The following FAT1 variants were observed in gnomAD, a reference collection of about 807,000 sequenced individuals.
The protein encoded by FAT1 is FAT atypical cadherin 1.
Under a neutral mutation model 329.8 loss-of-function variants are expected in FAT1, and 171 were observed. The ratio of observed to expected loss-of-function variants is 0.52; its 90% CI spans 0.46 to 0.59. FAT1 has a LOEUF of 0.59. Ranked by LOEUF, FAT1 falls within the 20% of genes least tolerant of loss-of-function variation. The pLI is 0.00. For missense variants in FAT1, 5,672 were observed against 5,774.4 expected, an observed-to-expected ratio of 0.98 and a Z score of 0.57; for synonymous variants, 2,233 against 2,228.6, an observed-to-expected ratio of 1.00 and a Z score of -0.06.
intron 1 of FAT1, among the ~76,000 whole-genome samples, chr4:186,720,886 C>T (rs1173425418): frequency 6.6e-6 from 1 of 152,180 alleles, no homozygotes; most frequent in African/African-American, 2.4e-5. Flanking sequence ...ATAAAACATC[C>T]ATCCTTCTCA....
Position 186,604,401 on chromosome 4 carries a change from T to G in FAT1, c.10524A>C (p.Lys3508Asn), listed in dbSNP as rs375998786. Residue 3508 changes from lysine to asparagine, a missense_variant, in exon 18 of 27, where the codon AAA becomes AAC. Around this residue, in one of 2 missense-constraint regions of FAT1, gnomAD observed 1,706 missense variants for 1,859.1 expected, o/e 0.92. Transcript: ENST00000441802. The part of the protein sequence containing the change: ...LTSSAIKRKE[K>N]DHYLLQVKVA... Reference sequence around the variant, plus strand: ...CCTTCACCTGCAGTAAGTAATGATCTTTCTCCTTCCTCTTGATGGCAGATG... The same window carrying G: ...CCTTCACCTGCAGTAAGTAATGATCGTTCTCCTTCCTCTTGATGGCAGATG... The G allele has an allele frequency of 1.6e-5, 26 of 1,613,540 alleles. No individual in the cohort carries two copies. In the African/African-American group the frequency reaches 3.5e-4, roughly 22 times the overall value.
chr4:186,619,291 C>T lies in FAT1; in HGVS notation c.7295G>A (p.Gly2432Asp), dbSNP rs2126504030. 1 of 1,613,978 alleles carries T rather than the reference C, an allele frequency of 6.2e-7. No individual in the cohort carries two copies. The highest frequency in any genetic ancestry group is 8.5e-7 in the Non-Finnish European group (1 of 1,179,886). ...IDKLQYSILSGNDHKHFVIDS... is the reference protein window; with the variant it reads ...IDKLQYSILSDNDHKHFVIDS... The stretch of plus-strand genomic sequence containing the variant: ...AATGACAAAATGTTTATGATCATTG[C>T]CAGACAGAATGGAATACTGCAACTT... Residue 2432 changes from glycine to aspartate, a missense_variant, in exon 10 of 27, where the codon GGC becomes GAC. By Grantham distance (94) the Gly-to-Asp change is moderately conservative. Transcript: ENST00000441802.
intron 20 of FAT1, among the ~76,000 whole-genome samples, chr4:186,602,004 T>C (rs1473939472): frequency 6.6e-6 from 1 of 152,174 alleles, no homozygotes; most frequent in Non-Finnish European, 1.5e-5. Context: ...ACATTGATAC[T>C]AAGAAACAAA....
intron 3 of FAT1, among the ~76,000 whole-genome samples, chr4:186,640,542 T>C (rs998158325): frequency 2.0e-5 from 3 of 152,238 alleles, no homozygotes; most frequent in Non-Finnish European, 2.9e-5. Flanking sequence ...ATTTATTACC[T>C]TTGAATTATC....
intron 2 of FAT1, among the ~76,000 whole-genome samples, chr4:186,700,142 T>C (rs192723608): frequency 6.6e-6 from 1 of 152,228 alleles, no homozygotes; most frequent in East Asian, 1.9e-4. Flanking sequence ...GATGGCCTCA[T>C]GTAACTCGAT....
In FAT1 at chr4:186,709,286, T is replaced by C. The variant is rs2126702987; in HGVS notation, c.542A>G (p.Asn181Ser). The C allele has an allele frequency of 3.1e-6, 5 of 1,614,000 alleles. No individual in the cohort carries two copies. Among genetic ancestry groups the C allele is most frequent in the Non-Finnish European group, 4.2e-6 (5 of 1,179,894 alleles). Residue 181 changes from asparagine to serine, a missense_variant, in exon 2 of 27, where the codon AAC (asparagine) becomes AGC (serine). Physicochemically the swap from Asn to Ser is conservative, Grantham distance 46. Around this residue, in one of 2 missense-constraint regions of FAT1, gnomAD observed 3,966 missense variants for 3,915.2 expected, o/e 1.01. Transcript: ENST00000441802. ...VSATDADIGT[N>S]GEFYYSFKDR... is the part of the protein sequence containing the mutation. ...TTTAAAACTGTAGTAAAATTCCCCG[T>C]TGGTTCCTATGTCTGCATCCGTGGC...
rs116156096 is a variant in FAT1 at position 186,630,315 on chromosome 4, G to C, written c.4324-1552C>G. 7.9e-3 allele frequency among the ~76,000 whole-genome samples: 1,204 copies of C among 152,292 alleles called. 12 individuals are homozygous for C. Among genetic ancestry groups the C allele is most frequent in the Middle Eastern group, 0.017 (5 of 294 alleles). On this transcript the variant is annotated intron_variant, in intron 7 of 26. Transcript: ENST00000441802. ...TGGTTGGCAGGTGAGTAAGTATGAGGAAGGGCTGCGTCAACGACATGAAGG... is the reference window on the plus strand; with the variant it reads ...TGGTTGGCAGGTGAGTAAGTATGAGCAAGGGCTGCGTCAACGACATGAAGG...
At position 186,628,763 on chromosome 4, in the gene FAT1, C is replaced by G. The variant is rs2126545673; in HGVS notation, c.4324G>C (p.Val1442Leu). The change falls in exon 8 of 27, where the codon GTA (valine) becomes CTA (leucine). Residue 1442 changes from valine (V) to leucine (L), a missense_variant and splice_region_variant. This residue lies in a region of FAT1 where 3,966 missense variants were observed against 3,915.2 expected (regional missense o/e 1.01). Coordinates refer to ENST00000441802, the MANE Select transcript of FAT1 (RefSeq NM_005245.4). ...TTTGTGTCTATTACTTTGATGAATA[C>G]CTGTAATGGATGACAAAATGACTCA... ...TDGTTTILTQ[V>L]FIKVIDTNDH... The G allele has an allele frequency of 6.2e-7, 1 of 1,610,704 alleles. No homozygotes were observed. Among genetic ancestry groups the G allele is most frequent in the Non-Finnish European group, 8.5e-7 (1 of 1,178,766 alleles).
chr4:186,705,022 C>G (rs2126679375), intron 2 of FAT1, among the ~76,000 whole-genome samples: 1 of 149,126 alleles, frequency 6.7e-6, no homozygotes, highest in Non-Finnish European at 1.5e-5. Flanking sequence ...ACAGCTCACT[C>G]CAGCCTCGAC....
chr4:186,714,197 G>A (rs531082371), intron 1 of FAT1, among the ~76,000 whole-genome samples: 6 of 152,298 alleles, frequency 3.9e-5, no homozygotes, highest in Admixed American at 2.0e-4. Context: ...CCACAACACA[G>A]GTGGAGCGCG....
chr4:186,662,705 A>G (rs1383106614), intron 3 of FAT1, among the ~76,000 whole-genome samples: 1 of 152,258 alleles, frequency 6.6e-6, no homozygotes, highest in Non-Finnish European at 1.5e-5. Flanking sequence ...AGTTTAAGAT[A>G]TATCACTAAT....
At chr4:186,673,626 C>T (rs1334907077) in intron 2 of FAT1, among the ~76,000 whole-genome samples, 1 of 152,174 alleles carries the variant, frequency 6.6e-6, no homozygotes. Context: ...AAAACATATA[C>T]CTATCAATTC....
intron 3 of FAT1, among the ~76,000 whole-genome samples, chr4:186,657,885 T>C (rs954537055): frequency 6.3e-4 from 96 of 152,330 alleles, no homozygotes; most frequent in African/African-American, 2.2e-3. Flanking sequence ...TGGTGTCGAT[T>C]TCCCGAGGTT....
intron 1 of FAT1, among the ~76,000 whole-genome samples, chr4:186,720,557 T>A (rs1270333020): frequency 6.6e-6 from 1 of 152,208 alleles, no homozygotes; most frequent in Admixed American, 6.5e-5. Flanking sequence ...AGAACTCACA[T>A]TATCCTAAAT....
In FAT1 at chr4:186,604,490, T is replaced by C. The variant is rs1292426777; in HGVS notation, c.10435A>G (p.Thr3479Ala). The C allele has an allele frequency of 1.9e-6, 3 of 1,613,614 alleles. No homozygotes were observed. The African/African-American group carries it at 4.0e-5, about 22-fold the overall frequency. Residue 3479 changes from threonine (T) to alanine (A), a missense_variant, in exon 18 of 27, where the codon ACT becomes GCT. Around this residue, in one of 2 missense-constraint regions of FAT1, gnomAD observed 1,706 missense variants for 1,859.1 expected, o/e 0.92. Transcript: ENST00000441802. ...TTCTCATCATTTCCAGTTACAATAG[T>C]AAAGAAGAAGGGTGGACCGTTATGG... ...SSHNGPPFFF[T>A]IVTGNDEKAF...
At chr4:186,666,742 A>G (rs558708398) in intron 2 of FAT1, among the ~76,000 whole-genome samples, 4 of 152,326 alleles carry the variant, frequency 2.6e-5, no homozygotes, top group Admixed American at 6.5e-5. Flanking sequence ...AGGCCCTGTG[A>G]TAAGTGTCTT....
At chr4:186,644,289 G>C (rs1741251718) in intron 3 of FAT1, among the ~76,000 whole-genome samples, 1 of 152,202 alleles carries the variant, frequency 6.6e-6, no homozygotes, top group Admixed American at 6.5e-5. Context: ...AAAAAAGCAA[G>C]TTAGGAGATA....
rs1196448727 is a variant in FAT1 at position 186,613,129 on chromosome 4, T to C, written c.9443A>G (p.Gln3148Arg). The change falls in exon 13 of 27, where the codon CAG (glutamine) becomes CGG (arginine). Residue 3148 changes from glutamine (Q) to arginine (R), a missense_variant. By Grantham distance (43) the Gln-to-Arg change is conservative. This residue lies in a region of FAT1 where 1,706 missense variants were observed against 1,859.1 expected (regional missense o/e 0.92). Coordinates refer to ENST00000441802, the MANE Select transcript of FAT1 (RefSeq NM_005245.4). ...GATACCTGCGTCGGCATCTGTGGCC[T>C]GCACTCTTGTCAGCAGCGTTCCCGG... is the stretch of plus-strand genomic sequence containing the variant. ...TEPGTLLTRVQATDADAGLNR... is the reference protein window; with the variant it reads ...TEPGTLLTRVRATDADAGLNR... 2 of 1,611,810 alleles carry C rather than the reference T, an allele frequency of 1.2e-6. No homozygotes were observed. Among genetic ancestry groups the C allele is most frequent in the Non-Finnish European group, 8.5e-7 (1 of 1,179,540 alleles).
intron 3 of FAT1, among the ~76,000 whole-genome samples, chr4:186,659,293 T>C (rs1742057470): frequency 1.3e-5 from 2 of 152,188 alleles, no homozygotes; most frequent in South Asian, 2.1e-4. Flanking sequence ...TTTCTCAAAA[T>C]GCATCCCTGG....
Sources: allele counts gnomAD v4.1 joint callset (sites outside exome capture counted in the v4.1 genomes callset), GRCh38; gene constraint gnomAD v4.1.1; regional missense constraint gnomAD v4.1.1; transcripts MANE v1.5; gene names NCBI Gene and HGNC (gene_info 2026-07-23, HGNC 2026-07-21).